Variants in NCKIPSD observed in about 807,000 individuals in gnomAD.
The protein encoded by NCKIPSD is NCK interacting protein with SH3 domain, also known as NCK-interacting protein with SH3 domain.
A neutral mutation model predicts 73.4 loss-of-function variants in NCKIPSD; 48 were observed. The ratio of observed to expected loss-of-function variants is 0.65; its 90% CI spans 0.52 to 0.83. The LOEUF is 0.83. Among genes scored for constraint, NCKIPSD ranks in the 40% least tolerant of loss-of-function variants. The probability of loss-of-function intolerance (pLI) is 0.00; values close to 1 mark genes in which losing one functional copy is unlikely to be tolerated. For synonymous variants in NCKIPSD, 422 were observed against 403.6 expected (o/e 1.05, Z -0.54); for missense variants, 884 against 970.2 (o/e 0.91, Z 1.18).
intron 1 of NCKIPSD, 106 bp downstream of exon 1, chr3:48,685,531 T>C (rs1414982911): frequency 2.2e-6 from 3 of 1,352,308 alleles, no homozygotes; most frequent in Non-Finnish European, 2.9e-6. Flanking sequence ...ATAGAGGTCC[T>C]GGCCTCGGGT....
Position 48,682,470 on chromosome 3 carries a change from T to C in NCKIPSD, c.364A>G (p.Ser122Gly). 5 of 1,614,184 alleles carry C rather than the reference T, an allele frequency of 3.1e-6. No individual in the cohort carries two copies. The highest frequency in any genetic ancestry group is 4.2e-6 in the Non-Finnish European group (5 of 1,180,014). ...SSVAVMTSST[S>G]DHHLDAAAAR... Reference sequence around the variant, plus strand: ...GCAGCAGCATCCAAGTGGTGGTCACTGGTTGATGAGGTCATAACTGCAACA... The same window carrying C: ...GCAGCAGCATCCAAGTGGTGGTCACCGGTTGATGAGGTCATAACTGCAACA... Residue 122 changes from serine (S) to glycine (G), a missense_variant, in exon 3 of 13, where the codon AGT becomes GGT. Ser to Gly is a moderately conservative substitution (Grantham distance 56). Coordinates refer to ENST00000294129, the MANE Select transcript of NCKIPSD (RefSeq NM_016453.4).
chr3:48,681,337 C>T lies in NCKIPSD; in HGVS notation c.1042G>A (p.Ala348Thr). The change falls in exon 5 of 13, where the codon GCC becomes ACC. Residue 348 changes from alanine (A) to threonine (T), a missense_variant. Coordinates refer to ENST00000294129, the MANE Select transcript of NCKIPSD (RefSeq NM_016453.4). ...ACCTGCTCCATGACTGGTGAGCTGGCCGGCACCGAGGCCTGGATGTGACCC... is the reference window on the plus strand; with the variant it reads ...ACCTGCTCCATGACTGGTGAGCTGGTCGGCACCGAGGCCTGGATGTGACCC... ...IVGHIQASVP[A>T]SSPVMEQVLL... 1 of 1,610,296 alleles carries T rather than the reference C, an allele frequency of 6.2e-7. No individual in the cohort carries two copies. Among genetic ancestry groups the T allele is most frequent in the Non-Finnish European group, 8.5e-7 (1 of 1,178,934 alleles).
At chr3:48,680,276 C>T (rs747189646) in intron 5 of NCKIPSD, 47 bp from the exon 6 acceptor site, 1 of 1,522,522 alleles carries the variant, frequency 6.6e-7, no homozygotes, top group Admixed American at 2.1e-5. Flanking sequence ...CCTGCCCTCA[C>T]CATCTCCAGG....
chr3:48,683,437 C>T (rs1351949110), intron 1 of NCKIPSD, among the ~76,000 whole-genome samples: 19 of 152,194 alleles, frequency 1.2e-4, no homozygotes, highest in Admixed American at 1.2e-3. Flanking sequence ...CTTAATACAT[C>T]ACTCTGCATC....
chr3:48,683,921 G>A (rs1177681604), intron 1 of NCKIPSD, among the ~76,000 whole-genome samples: 1 of 151,682 alleles, frequency 6.6e-6, no homozygotes, highest in Non-Finnish European at 1.5e-5. Context: ...AGCCCTCCAG[G>A]TGGTATGAGG....
rs1259319012 is a variant in NCKIPSD at position 48,681,299 on chromosome 3, G to C, written c.1080C>G (p.Leu360=). The C allele has an allele frequency of 6.2e-7, 1 of 1,604,960 alleles. No homozygotes were observed. Among genetic ancestry groups the C allele is most frequent in the Admixed American group, 1.7e-5 (1 of 59,668 alleles). Residue 360 remains leucine, a synonymous_variant, in exon 5 of 13, where the codon CTC becomes CTG. Transcript: ENST00000294129. ...CGCCCACCCTCACCTTGCCCTCTAC[G>C]AGTGAGAGGAGGACCTGCTCCATGA... ...SPVMEQVLLS[L]VEGKDLSMAL...
Position 48,681,457 on chromosome 3 carries a change from C to A in NCKIPSD, c.922G>T (p.Val308Leu). Residue 308 changes from valine (V) to leucine (L), a missense_variant, in exon 5 of 13, where the codon GTG (valine) becomes TTG (leucine). Transcript: ENST00000294129. ...TEEKAAAEAA[V>L]PRTIGAELME... is the part of the protein sequence containing the mutation. ...AGCTCGGCCCCAATGGTCCTGGGCA[C>A]AGCCGCCTCAGCTGCTGCCTTCTCC... The A allele has an allele frequency of 6.2e-7, 1 of 1,614,140 alleles. No homozygotes were observed. The highest frequency in any genetic ancestry group is 8.5e-7 in the Non-Finnish European group (1 of 1,180,038).
In NCKIPSD at chr3:48,682,211, A is replaced by G. The variant is rs78463616; in HGVS notation, c.487-55T>C. 4.0e-3 allele frequency: 6,258 copies of G among 1,568,514 alleles called. 205 individuals are homozygous for G. The African/African-American group carries it at 0.076, about 19-fold the overall frequency. On this transcript the variant is annotated intron_variant, in intron 3 of 12. Transcript: ENST00000294129. ...CAGACTGACATCTAGAGCGTCAGCG[A>G]GGCTCGGGCCCTGAGCCCTGGCTGT...
chr3:48,685,192 AGGG>A (rs2077416606), intron 1 of NCKIPSD, among the ~76,000 whole-genome samples: 1 of 98 alleles, frequency 0.01, no homozygotes, highest in Non-Finnish European at 0.1. Context: ...GGAAGAAGGA[AGGG>A]AGGGAGGGAG....
At chr3:48,677,050 T>C (rs2077266581) in intron 12 of NCKIPSD, among the ~76,000 whole-genome samples, 1 of 150,548 alleles carries the variant, frequency 6.6e-6, no homozygotes, top group African/African-American at 2.4e-5. Flanking sequence ...GTGCTGGGAT[T>C]ACAAGCATGA....
rs1243651945 is a variant in NCKIPSD at position 48,685,616 on chromosome 3, G to C, written c.171+21C>G. ...TCCTGCCCCAGGGGCGCGGAGGCCG[G>C]GCGGGAAGGGGCGCACTCACCTGCA... On this transcript the variant is annotated intron_variant, in intron 1 of 12. Transcript: ENST00000294129. The C allele has an allele frequency of 2.0e-6, 3 of 1,513,758 alleles. No homozygotes were observed. In the Admixed American group the frequency reaches 6.1e-5, roughly 31 times the overall value. The allele number at this position is 1,513,758 out of a possible 1,614,324, so 93.8% of individuals were successfully genotyped here.
intron 1 of NCKIPSD, among the ~76,000 whole-genome samples, chr3:48,683,989 C>G (rs1190676904): frequency 6.9e-6 from 1 of 145,388 alleles, no homozygotes; most frequent in African/African-American, 2.7e-5. Context: ...GACACACACA[C>G]ACACACACAC....
At position 48,682,569 on chromosome 3, in the gene NCKIPSD, A is replaced by G; in HGVS notation, c.282-17T>C. On this transcript the variant is annotated splice_polypyrimidine_tract_variant and intron_variant, in intron 2 of 12. Transcript: ENST00000294129. ...ATCAGCTTCCTGATGGAAGGACAGG[A>G]AGACTATTGGGGGGTTGCATCTCAC... 1 of 1,613,348 alleles carries G rather than the reference A, an allele frequency of 6.2e-7. No homozygotes were observed. The highest frequency in any genetic ancestry group is 8.5e-7 in the Non-Finnish European group (1 of 1,179,600).
chr3:48,682,668 C>A, intron 2 of NCKIPSD, 116 bp from the exon 3 acceptor site: 1 of 1,235,000 alleles, frequency 8.1e-7, no homozygotes, highest in East Asian at 2.4e-5. Flanking sequence ...TCCCCATCTC[C>A]TCCATGCTCC....
Position 48,678,570 on chromosome 3 carries a change from T to C in NCKIPSD, c.1959A>G (p.Gly653=). 6.2e-7 allele frequency: 1 copy of C among 1,608,676 alleles called. No individual in the cohort carries two copies. The highest frequency in any genetic ancestry group is 8.5e-7 in the Non-Finnish European group (1 of 1,177,036). The change falls in exon 12 of 13, where the codon GGA becomes GGG. Residue 653 remains glycine (G), a synonymous_variant. Transcript: ENST00000294129. The stretch of plus-strand genomic sequence containing the variant: ...TGCAGCCACCTCCAGGCACCTTGTC[T>C]CCTGGTGACAGGTCTGCGATGTGCC... ...TVRHIADLSP[G]DKLRMEYLSL... is the part of the protein sequence containing the mutation.
chr3:48,683,995 C>CACA (rs2077396042), intron 1 of NCKIPSD, among the ~76,000 whole-genome samples: 1 of 148,456 alleles, frequency 6.7e-6, no homozygotes, highest in Non-Finnish European at 1.5e-5. Context: ...CACACACACA[C>CACA]ACACACACAC....
At chr3:48,682,203 C>A in intron 3 of NCKIPSD, 47 bp from the exon 4 acceptor site, 1 of 1,575,594 alleles carries the variant, frequency 6.3e-7, no homozygotes, top group Non-Finnish European at 8.6e-7. Flanking sequence ...ACATCTAGAG[C>A]GTCAGCGAGG....
At chr3:48,685,470 G>A (rs1575572068) in intron 1 of NCKIPSD, among the ~76,000 whole-genome samples, 167 bp downstream of exon 1, 1 of 152,116 alleles carries the variant, frequency 6.6e-6, no homozygotes, top group Admixed American at 6.5e-5. Context: ...TGGGGTCTCA[G>A]TCCCCGTGGG....
rs769554451 is a variant in NCKIPSD, at chr3:48,679,668, C to T, written c.1396G>A (p.Ala466Thr). Residue 466 changes from alanine to threonine, a missense_variant, in exon 8 of 13, where the codon GCC (alanine) becomes ACC (threonine). Transcript: ENST00000294129. ...LRLLLLKCFG[A>T]MCSLDAAIIS... ...ATGGCTGCATCCAGGCTGCACATGG[C>T]GCCAAAGCACTTGAGGAGCAGCAGC... is the stretch of plus-strand genomic sequence containing the variant. The T allele has an allele frequency of 9.9e-6, 16 of 1,614,052 alleles. No individual in the cohort carries two copies. Among genetic ancestry groups the T allele is most frequent in the Admixed American group, 3.3e-5 (2 of 59,992 alleles).
Sources: allele counts gnomAD v4.1 joint callset (sites outside exome capture counted in the v4.1 genomes callset), GRCh38; gene constraint gnomAD v4.1.1; transcripts MANE v1.5; gene names NCBI Gene and HGNC (gene_info 2026-07-23, HGNC 2026-07-21).